ZBTB46: variants seen among roughly 807,000 people sequenced by gnomAD.
ZBTB46 encodes zinc finger and BTB domain-containing protein 46.
ZBTB46 carries 8 observed loss-of-function variants against 44.1 expected under a neutral mutation model. The observed-to-expected ratio is 0.18, with a 90% CI of 0.11 to 0.33. The LOEUF (loss-of-function observed/expected upper bound fraction) is 0.33. Ranked by LOEUF, ZBTB46 falls within the 10% of genes least tolerant of loss-of-function variation. The probability of loss-of-function intolerance (pLI) is 1.00; values close to 1 mark genes in which losing one functional copy is unlikely to be tolerated. For synonymous variants in ZBTB46, 409 were observed against 382.3 expected (o/e 1.07, Z -0.81); for missense variants, 651 against 847.7 (o/e 0.77, Z 2.88).
intron 3 of ZBTB46, among the ~76,000 whole-genome samples, chr20:63,763,240 T>A (rs1440960359): frequency 1.3e-5 from 2 of 152,234 alleles, no homozygotes; most frequent in Non-Finnish European, 2.9e-5. Context: ...TGTAAGGCTA[T>A]CATCTTGTTT....
intron 3 of ZBTB46, among the ~76,000 whole-genome samples, chr20:63,758,374 C>T (rs1433558951): frequency 6.6e-6 from 1 of 151,918 alleles, no homozygotes; most frequent in Non-Finnish European, 1.5e-5. Flanking sequence ...GCCCGTTCCT[C>T]CCCACAGAAA....
intron 4 of ZBTB46, among the ~76,000 whole-genome samples, chr20:63,750,504 G>A (rs2092150344): frequency 6.6e-6 from 1 of 151,864 alleles, no homozygotes; most frequent in Admixed American, 6.6e-5. Flanking sequence ...CTCCCGAAGT[G>A]CTAGGATTAC....
intron 1 of ZBTB46, among the ~76,000 whole-genome samples, chr20:63,812,904 A>T (rs2092725785): frequency 6.6e-6 from 1 of 151,996 alleles, no homozygotes; most frequent in African/African-American, 2.4e-5. Context: ...CAGCATCCCG[A>T]CCAACATGGT....
chr20:63,790,695 G>T lies in ZBTB46; in HGVS notation c.63C>A (p.Leu21=), dbSNP rs1210981081. ...TSHYRHLLRE[L]NEQRQHGVLC... The stretch of plus-strand genomic sequence containing the variant: ...GGACGCCGTGCTGCCTCTGCTCGTT[G>T]AGCTCCCGCAGCAGGTGCCGGTAGT... Residue 21 remains leucine (L), a synonymous_variant, in exon 2 of 5, where the codon CTC becomes CTA. Transcript: ENST00000245663. 6.2e-7 allele frequency: 1 copy of T among 1,611,608 alleles called. No individual in the cohort carries two copies. The highest frequency in any genetic ancestry group is 1.1e-5 in the South Asian group (1 of 91,068).
intron 1 of ZBTB46, 37 bp from the exon 2 acceptor site, chr20:63,790,827 A>G (rs1190044292): frequency 6.7e-7 from 1 of 1,488,782 alleles, no homozygotes; most frequent in Non-Finnish European, 8.9e-7. Flanking sequence ...CAAGCTCAGC[A>G]CAGACAGAGG....
intron 1 of ZBTB46, among the ~76,000 whole-genome samples, chr20:63,813,837 G>A (rs907685142): frequency 1.3e-5 from 2 of 152,220 alleles, no homozygotes; most frequent in South Asian, 2.1e-4. Context: ...GCCCAGCATC[G>A]CGACGCTGAG....
At chr20:63,755,253 G>C (rs893607610) in intron 3 of ZBTB46, among the ~76,000 whole-genome samples, 1 of 152,214 alleles carries the variant, frequency 6.6e-6, no homozygotes, top group African/African-American at 2.4e-5. Flanking sequence ...GCACCACAAA[G>C]CGTGAGGCTC....
intron 3 of ZBTB46, among the ~76,000 whole-genome samples, chr20:63,759,579 G>C (rs2092255670): frequency 6.6e-6 from 1 of 152,084 alleles, no homozygotes; most frequent in South Asian, 2.1e-4. Flanking sequence ...GACTCAGGGA[G>C]GAGGGGGGCA....
chr20:63,830,543 C>CCGCCCG (rs1259881671), intron 1 of ZBTB46, among the ~76,000 whole-genome samples: 6 of 150,524 alleles, frequency 4.0e-5, no homozygotes, highest in Non-Finnish European at 8.9e-5. Flanking sequence ...GCGCCGGGAC[C>CCGCCCG]CGCCCGCGCC....
At position 63,791,495 on chromosome 20, in the gene ZBTB46, CAAAAAAAAAAA is replaced by C. The variant is rs59810640; in HGVS notation, c.-33-716_-33-706del. On this transcript the variant is annotated intron_variant, in intron 1 of 4. Transcript: ENST00000245663. Reference sequence around the variant, plus strand: ...TGGGCGACAGGGCGAGACTCCATCTCAAAAAAAAAAAAAAAAAAAAAAAACTTCTTACACAA... The same window carrying C: ...TGGGCGACAGGGCGAGACTCCATCTCAAAAAAAAAAAAACTTCTTACACAA... 4.0e-3 allele frequency among the ~76,000 whole-genome samples: 244 copies of C among 61,220 alleles called. 1 individual carries two copies. The highest frequency in any genetic ancestry group is 0.016 in the African/African-American group (235 of 14,384). The allele number at this position is 61,220 out of a possible 152,430, so 40.2% of individuals were successfully genotyped here.
chr20:63,757,375 G>A (rs1168200113), intron 3 of ZBTB46, among the ~76,000 whole-genome samples: 2 of 152,044 alleles, frequency 1.3e-5, no homozygotes, highest in South Asian at 2.1e-4. Flanking sequence ...CACCCGCCTC[G>A]GCCTCCCAAA....
Position 63,790,147 on chromosome 20 carries a change from T to G in ZBTB46, c.611A>C (p.Lys204Thr). 6.2e-7 allele frequency: 1 copy of G among 1,613,932 alleles called. No homozygotes were observed. Among genetic ancestry groups the G allele is most frequent in the Non-Finnish European group, 8.5e-7 (1 of 1,180,028 alleles). ...SSYGKEDQEPKADGPDDVSSQ... is the reference protein window; with the variant it reads ...SSYGKEDQEPTADGPDDVSSQ... ...AGAAACATCATCAGGGCCATCGGCC[T>G]TGGGCTCCTGATCCTCTTTCCCGTA... Residue 204 changes from lysine to threonine, a missense_variant, in exon 2 of 5, where the codon AAG becomes ACG. By Grantham distance (78) the Lys-to-Thr change is moderately conservative (BLOSUM62 -1). Transcript: ENST00000245663.
chr20:63,755,420 G>A (rs1221313568), intron 3 of ZBTB46, among the ~76,000 whole-genome samples: 3 of 152,326 alleles, frequency 2.0e-5, no homozygotes, highest in East Asian at 1.9e-4. Context: ...TGACCGCATC[G>A]CTCCAGTCTC....
At chr20:63,776,672 C>G (rs1044561416) in intron 2 of ZBTB46, among the ~76,000 whole-genome samples, 4 of 152,102 alleles carry the variant, frequency 2.6e-5, no homozygotes, top group East Asian at 3.9e-4. Context: ...GGCGTGGTGG[C>G]ACGTGCCTGT....
At chr20:63,802,321 G>T (rs2092652174) in intron 1 of ZBTB46, among the ~76,000 whole-genome samples, 2 of 152,158 alleles carry the variant, frequency 1.3e-5, no homozygotes, top group Admixed American at 6.5e-5. Context: ...TACTCAGGAG[G>T]CTGAGGCACA....
intron 1 of ZBTB46, among the ~76,000 whole-genome samples, chr20:63,830,012 C>T (rs1345592123): frequency 2.0e-5 from 3 of 152,212 alleles, no homozygotes; most frequent in Admixed American, 6.5e-5. Flanking sequence ...ATCTTGCCAC[C>T]GTAATCCACT....
At chr20:63,815,929 G>A (rs2092751509) in intron 1 of ZBTB46, among the ~76,000 whole-genome samples, 1 of 143,810 alleles carries the variant, frequency 7.0e-6, no homozygotes, top group South Asian at 2.2e-4. Flanking sequence ...GGGCACAGGT[G>A]CAGTGGGTGC....
chr20:63,786,461 G>T (rs569884577), intron 2 of ZBTB46, among the ~76,000 whole-genome samples: 1 of 152,288 alleles, frequency 6.6e-6, no homozygotes, highest in Admixed American at 6.5e-5. Flanking sequence ...AACTCAGCCC[G>T]AGGCTGAGTT....
intron 1 of ZBTB46, among the ~76,000 whole-genome samples, chr20:63,800,858 T>G (rs140058853): frequency 5.4e-4 from 82 of 152,222 alleles, no homozygotes; most frequent in African/African-American, 1.9e-3. Flanking sequence ...CCCTGACGAG[T>G]GCCCCTCCCT....
Sources: allele counts gnomAD v4.1 joint callset (sites outside exome capture counted in the v4.1 genomes callset), GRCh38; gene constraint gnomAD v4.1.1; transcripts MANE v1.5; gene names NCBI Gene and HGNC (gene_info 2026-07-23, HGNC 2026-07-21).